The following TEKT5 variants were observed in gnomAD, a reference collection of about 807,000 sequenced individuals.
The protein encoded by TEKT5 is tektin 5.
TEKT5 carries 52 observed loss-of-function variants against 48.7 expected under a neutral mutation model. The ratio of observed to expected loss-of-function variants is 1.07; its 90% CI spans 0.86 to 1.35. The LOEUF is 1.35. Among genes scored for constraint, TEKT5 ranks in the 40% most tolerant of loss-of-function variants. The pLI is 0.00. For missense variants in TEKT5, 831 were observed against 641.6 expected, an observed-to-expected ratio of 1.30 and a Z score of -3.19; for synonymous variants, 318 against 267.6, an observed-to-expected ratio of 1.19 and a Z score of -1.84.
chr16:10,676,104 A>T lies in TEKT5; in HGVS notation c.941T>A (p.Ile314Asn). ...GTGCTCCGCCTCCTCCCGCAGCTGGATGGAGTTGGCCCGCATGTTCTGAGA... is the reference window on the plus strand; with the variant it reads ...GTGCTCCGCCTCCTCCCGCAGCTGGTTGGAGTTGGCCCGCATGTTCTGAGA... The part of the protein sequence containing the change: ...KHSQNMRANS[I>N]QLREEAEHLF... Residue 314 changes from isoleucine to asparagine, a missense_variant, in exon 5 of 7, where the codon ATC becomes AAC. By Grantham distance (149) the Ile-to-Asn change is moderately radical. Transcript: ENST00000283025. The T allele has an allele frequency of 6.2e-7, 1 of 1,614,166 alleles. No individual in the cohort carries two copies. Among genetic ancestry groups the T allele is most frequent in the Non-Finnish European group, 8.5e-7 (1 of 1,180,022 alleles).
At chr16:10,672,498 A>T (rs1227634839) in intron 5 of TEKT5, among the ~76,000 whole-genome samples, 1 of 152,182 alleles carries the variant, frequency 6.6e-6, no homozygotes, top group Non-Finnish European at 1.5e-5. Flanking sequence ...CAGGAGGCTG[A>T]GGCAGGAGAA....
chr16:10,629,364 C>T (rs1897802888), intron 6 of TEKT5, among the ~76,000 whole-genome samples: 1 of 151,884 alleles, frequency 6.6e-6, no homozygotes, highest in South Asian at 2.1e-4. Flanking sequence ...AATTCTCTTG[C>T]CTCAGCGTCC....
chr16:10,686,318 A>T (rs937125256), intron 3 of TEKT5, among the ~76,000 whole-genome samples: 3 of 152,190 alleles, frequency 2.0e-5, no homozygotes, highest in South Asian at 2.1e-4. Flanking sequence ...TTAGCTGGGC[A>T]TGGTGGCAGG....
Position 10,652,718 on chromosome 16 carries a change from CA to C in TEKT5, c.1087-16801del, listed in dbSNP as rs1217094103. ...ACACACACACACACACACACACACA[CA>C]CACACCCTCCAGGCCAGGTAGAGTG... On this transcript the variant is annotated intron_variant, in intron 5 of 6. Transcript: ENST00000283025. Among the ~76,000 whole-genome samples the C allele has an allele frequency of 3.7e-4, 40 of 108,934 alleles. 5 individuals are homozygous for C. Among genetic ancestry groups the C allele is most frequent in the East Asian group, 2.6e-3 (9 of 3,466 alleles). The allele number at this position is 108,934 out of a possible 152,430, so 71.5% of individuals were successfully genotyped here.
chr16:10,652,506 A>G (rs536233155), intron 5 of TEKT5, among the ~76,000 whole-genome samples: 2 of 124,406 alleles, frequency 1.6e-5, no homozygotes, highest in South Asian at 3.0e-4. Context: ...CCTCCAGGCC[A>G]GGTAGAGCGA....
rs80130555 is a variant in TEKT5 at position 10,656,930 on chromosome 16, G to A, written c.1086+19029C>T. ...TAATTTATTATTTTGTGTAGAGATG[G>A]GGTCTGCTAGATTGCCCAAGCTGGT... On this transcript the variant is annotated intron_variant, in intron 5 of 6. Coordinates refer to ENST00000283025, the MANE Select transcript of TEKT5 (RefSeq NM_144674.2). 2.7e-3 allele frequency among the ~76,000 whole-genome samples: 416 copies of A among 151,302 alleles called. 3 individuals are homozygous for A. Among genetic ancestry groups the A allele is most frequent in the African/African-American group, 9.6e-3 (394 of 41,238 alleles).
At chr16:10,663,704 G>A (rs963727183) in intron 5 of TEKT5, among the ~76,000 whole-genome samples, 4 of 152,144 alleles carry the variant, frequency 2.6e-5, no homozygotes, top group African/African-American at 9.7e-5. Flanking sequence ...CCTGTGCATT[G>A]GGGGCTGTTT....
intron 3 of TEKT5, among the ~76,000 whole-genome samples, chr16:10,686,177 G>T (rs1567236327): frequency 6.6e-6 from 1 of 152,178 alleles, no homozygotes; most frequent in Admixed American, 6.5e-5. Context: ...AAGATGCCAA[G>T]AACATACAGT....
chr16:10,653,407 G>A (rs1160749070), intron 5 of TEKT5, among the ~76,000 whole-genome samples: 1 of 152,224 alleles, frequency 6.6e-6, no homozygotes, highest in African/African-American at 2.4e-5. Context: ...CCTCCCATGT[G>A]CTGTACACCT....
At chr16:10,686,704 T>G (rs1220449750) in intron 3 of TEKT5, among the ~76,000 whole-genome samples, 1 of 152,148 alleles carries the variant, frequency 6.6e-6, no homozygotes, top group Non-Finnish European at 1.5e-5. Context: ...AAACTACACC[T>G]CTGATAAGGG....
At chr16:10,676,269 C>A (rs556112312) in intron 4 of TEKT5, 88 bp from the exon 5 acceptor site, 16 of 1,275,740 alleles carry the variant, frequency 1.3e-5, no homozygotes, top group Admixed American at 5.8e-5. Context: ...GCCTCTGGGT[C>A]GGGATTATTC....
chr16:10,635,772 C>T lies in TEKT5; in HGVS notation c.1233G>A (p.Pro411=), dbSNP rs373300492. The T allele has an allele frequency of 1.8e-5, 29 of 1,611,680 alleles. No individual in the cohort carries two copies. Among genetic ancestry groups the T allele is most frequent in the East Asian group, 4.5e-5 (2 of 44,786 alleles). Residue 411 remains proline (P), a synonymous_variant, in exon 6 of 7, where the codon CCG becomes CCA. Coordinates refer to ENST00000283025, the MANE Select transcript of TEKT5 (RefSeq NM_144674.2). ...TGGCCTCCCTCACTTACTTCAACTGCGGGATGTCCCTGCACAGCTCCATGT... is the reference window on the plus strand; with the variant it reads ...TGGCCTCCCTCACTTACTTCAACTGTGGGATGTCCCTGCACAGCTCCATGT... ...RPNMELCRDI[P]QLKLVNEVFT... is the part of the protein sequence containing the mutation.
intron 5 of TEKT5, among the ~76,000 whole-genome samples, chr16:10,651,989 G>T (rs1489419455): frequency 6.6e-6 from 1 of 152,070 alleles, no homozygotes; most frequent in Non-Finnish European, 1.5e-5. Context: ...AAGAGGATAA[G>T]CATTGGCACC....
At chr16:10,685,579 G>A (rs1406179088) in intron 3 of TEKT5, among the ~76,000 whole-genome samples, 1 of 152,088 alleles carries the variant, frequency 6.6e-6, no homozygotes, top group Non-Finnish European at 1.5e-5. Context: ...TTACAGACAT[G>A]AGCCTCCACG....
chr16:10,686,048 C>A (rs889501427), intron 3 of TEKT5, among the ~76,000 whole-genome samples: 1 of 152,130 alleles, frequency 6.6e-6, no homozygotes, highest in Non-Finnish European at 1.5e-5. Flanking sequence ...ATCGCAGCTA[C>A]AAATGGAAAA....
At chr16:10,663,811 G>A (rs1000475955) in intron 5 of TEKT5, among the ~76,000 whole-genome samples, 17 of 152,204 alleles carry the variant, frequency 1.1e-4, no homozygotes, top group African/African-American at 3.9e-4. Flanking sequence ...ATTGGCAAAT[G>A]CCAGTGGGGT....
intron 5 of TEKT5, among the ~76,000 whole-genome samples, chr16:10,639,747 G>A (rs139833292): frequency 6.6e-6 from 1 of 152,218 alleles, no homozygotes; most frequent in Non-Finnish European, 1.5e-5. Flanking sequence ...GCAAAGGTTT[G>A]TGTCTCCACT....
chr16:10,689,843 G>A (rs749273352), intron 2 of TEKT5, 99 bp downstream of exon 2: 81 of 1,169,722 alleles, frequency 6.9e-5, no homozygotes, highest in Non-Finnish European at 9.4e-5. Context: ...ACAGTGACAC[G>A]TGTGGCTTCT....
At chr16:10,692,072 A>G (rs1219123913) in intron 1 of TEKT5, among the ~76,000 whole-genome samples, 1 of 151,908 alleles carries the variant, frequency 6.6e-6, no homozygotes, top group Non-Finnish European at 1.5e-5. Flanking sequence ...TTGCGCAGGG[A>G]GAGGCTGCCT....
Sources: gnomAD v4.1 joint callset for allele counts (sites outside exome capture counted in the v4.1 genomes callset) on GRCh38, gnomAD v4.1.1 for gene constraint, MANE v1.5 for transcripts, NCBI Gene and HGNC (gene_info 2026-07-23, HGNC 2026-07-21) for gene names.